SNTG1: variants seen among roughly 807,000 people sequenced by gnomAD.
SNTG1 encodes the protein gamma-1-syntrophin.
Under a neutral mutation model 74.7 loss-of-function variants are expected in SNTG1, and 39 were observed. That is an observed-to-expected ratio of 0.52 (90% CI 0.40 to 0.68). The LOEUF (loss-of-function observed/expected upper bound fraction) is 0.68. Ranked by LOEUF, SNTG1 falls within the 30% of genes least tolerant of loss-of-function variation. SNTG1 has a pLI of 0.00. For synonymous variants in SNTG1, 254 were observed against 217.1 expected (o/e 1.17, Z -1.49); for missense variants, 685 against 609.5 (o/e 1.12, Z -1.30).
At chr8:50,486,862 C>A (rs867723267) in intron 8 of SNTG1, among the ~76,000 whole-genome samples, 1 of 151,972 alleles carries the variant, frequency 6.6e-6, no homozygotes. Flanking sequence ...TAGCATGAAG[C>A]GTTGTTGAAT....
At chr8:50,408,864 G>A (rs187107078) in intron 4 of SNTG1, among the ~76,000 whole-genome samples, 73 of 152,282 alleles carry the variant, frequency 4.8e-4, no homozygotes, top group Admixed American at 4.1e-3. Flanking sequence ...TGAGAGGGCA[G>A]GATATAGGAT....
chr8:50,683,541 G>C (rs1317374950), intron 15 of SNTG1, among the ~76,000 whole-genome samples: 1 of 152,162 alleles, frequency 6.6e-6, no homozygotes. Context: ...GAGAGGTTTT[G>C]CTGCCAGATA....
intron 12 of SNTG1, among the ~76,000 whole-genome samples, chr8:50,579,631 G>T (rs1332110584): frequency 6.6e-6 from 1 of 152,094 alleles, no homozygotes; most frequent in Non-Finnish European, 1.5e-5. Flanking sequence ...TGGCTAAAAA[G>T]GCCAATGCAT....
rs2095160089 is a variant in SNTG1, at chr8:50,653,309, T to G, written c.850-3600T>G. Among the ~76,000 whole-genome samples the G allele has an allele frequency of 2.0e-5, 3 of 152,146 alleles. No homozygotes were observed. The South Asian group carries it at 6.2e-4, about 32-fold the overall frequency. ...AATTAGCCAGAAGTGGTGGTGTGTG[T>G]GCCTGTAGTCTTATCAGGAGGCTGG... On this transcript the variant is annotated intron_variant, in intron 13 of 18. Transcript: ENST00000642720.
intron 1 of SNTG1, among the ~76,000 whole-genome samples, chr8:50,013,460 T>TAGAG (rs1243663358): frequency 3.0e-4 from 41 of 134,870 alleles, no homozygotes; most frequent in African/African-American, 1.1e-3. Context: ...AGAATGGGGA[T>TAGAG]AGAGAGATAG....
At position 50,476,961 on chromosome 8, in the gene SNTG1, A is replaced by G. The variant is rs193274614; in HGVS notation, c.364-25817A>G. Reference sequence around the variant, plus strand: ...AAGGAGCCAACTGAAAGAGGCCCCAATGGCCAAAGCTGAAACCATCTGAAC... The same window carrying G: ...AAGGAGCCAACTGAAAGAGGCCCCAGTGGCCAAAGCTGAAACCATCTGAAC... On this transcript the variant is annotated intron_variant, in intron 8 of 18. Transcript: ENST00000642720. 1.5e-3 allele frequency among the ~76,000 whole-genome samples: 235 copies of G among 152,182 alleles called. 2 individuals carry two copies. The highest frequency in any genetic ancestry group is 0.01 in the Middle Eastern group (3 of 294).
intron 9 of SNTG1, among the ~76,000 whole-genome samples, chr8:50,512,416 G>T (rs1359136147): frequency 6.6e-6 from 1 of 152,078 alleles, no homozygotes; most frequent in East Asian, 1.9e-4. Context: ...TTCTCGAGGA[G>T]TATCTTTGTG....
chr8:50,180,349 T>C (rs2083156935), intron 2 of SNTG1, among the ~76,000 whole-genome samples: 1 of 152,178 alleles, frequency 6.6e-6, no homozygotes, highest in Non-Finnish European at 1.5e-5. Flanking sequence ...TAGAGATCTA[T>C]GGTACAGCAT....
At chr8:50,316,489 T>C (rs897104455) in intron 2 of SNTG1, among the ~76,000 whole-genome samples, 1 of 152,198 alleles carries the variant, frequency 6.6e-6, no homozygotes. Flanking sequence ...TGAAACATTC[T>C]TTATGTGGCT....
At chr8:50,674,309 C>CT (rs1029316176) in intron 15 of SNTG1, among the ~76,000 whole-genome samples, 6 of 151,864 alleles carry the variant, frequency 4.0e-5, no homozygotes, top group African/African-American at 9.7e-5. Flanking sequence ...TGGTCCTGGG[C>CT]TTTTTTTGGT....
intron 1 of SNTG1, among the ~76,000 whole-genome samples, chr8:49,971,733 A>T (rs1329186857): frequency 6.6e-6 from 1 of 152,200 alleles, no homozygotes; most frequent in Non-Finnish European, 1.5e-5. Context: ...AGACAAACAG[A>T]GAGCCAAATC....
chr8:50,151,100 G>A (rs1015866083), intron 1 of SNTG1, among the ~76,000 whole-genome samples: 2 of 152,096 alleles, frequency 1.3e-5, no homozygotes, highest in Admixed American at 1.3e-4. Flanking sequence ...CCTGTTATTG[G>A]TCTATTCAGG....
intron 1 of SNTG1, among the ~76,000 whole-genome samples, chr8:50,143,867 G>C (rs2081763004): frequency 6.6e-6 from 1 of 152,168 alleles, no homozygotes; most frequent in Non-Finnish European, 1.5e-5. Context: ...GCTACACTCT[G>C]CTGCTTATTA....
chr8:50,664,265 G>A (rs2095239926), intron 15 of SNTG1, among the ~76,000 whole-genome samples: 1 of 152,180 alleles, frequency 6.6e-6, no homozygotes, highest in Non-Finnish European at 1.5e-5. Flanking sequence ...GCCAACAGGG[G>A]TGTGTTGAGC....
intron 1 of SNTG1, among the ~76,000 whole-genome samples, chr8:49,930,975 T>C (rs1350383888): frequency 1.3e-5 from 2 of 152,110 alleles, no homozygotes; most frequent in Non-Finnish European, 2.9e-5. Context: ...TTAAGAATGA[T>C]CAAAAAGTAA....
At chr8:50,035,211 G>T (rs1818050654) in intron 1 of SNTG1, among the ~76,000 whole-genome samples, 1 of 152,106 alleles carries the variant, frequency 6.6e-6, no homozygotes, top group Non-Finnish European at 1.5e-5. Flanking sequence ...TTTCCTCCTG[G>T]GTGTCTCTCT....
At chr8:50,051,340 T>C (rs1161012025) in intron 1 of SNTG1, among the ~76,000 whole-genome samples, 1 of 151,942 alleles carries the variant, frequency 6.6e-6, no homozygotes, top group African/African-American at 2.4e-5. Context: ...GAAGTTTAAA[T>C]ATAAATTGTA....
intron 18 of SNTG1, chr8:50,762,698 T>A: frequency 2.1e-6 from 1 of 482,780 alleles, no homozygotes; most frequent in South Asian, 1.5e-5. Context: ...GAAGAGACCA[T>A]GGAGATTAGG....
chr8:50,402,798 T>A (rs981903113), intron 4 of SNTG1, among the ~76,000 whole-genome samples: 4 of 152,140 alleles, frequency 2.6e-5, no homozygotes, highest in Non-Finnish European at 4.4e-5. Flanking sequence ...GGTGTTCCCC[T>A]AGGATAGTGT....
Sources: allele counts gnomAD v4.1 joint callset (sites outside exome capture counted in the v4.1 genomes callset), GRCh38; gene constraint gnomAD v4.1.1; transcripts MANE v1.5; gene names NCBI Gene and HGNC (gene_info 2026-07-23, HGNC 2026-07-21).